Variants in FHIT observed in about 807,000 individuals in gnomAD.
FHIT encodes the protein bis(5'-adenosyl)-triphosphatase.
FHIT carries 19 observed loss-of-function variants against 17.9 expected under a neutral mutation model. That is an observed-to-expected ratio of 1.06 (90% confidence interval 0.74 to 1.56). FHIT has a LOEUF of 1.56. Ranked by LOEUF, FHIT falls within the 40% of genes most tolerant of loss-of-function variation. The pLI is 0.00. For missense variants in FHIT, 248 were observed against 189.2 expected (o/e 1.31, Z -1.82); for synonymous variants, 81 against 69.7 (o/e 1.16, Z -0.81).
At chr3:59,972,414 T>C (rs1021287230) in intron 7 of FHIT, among the ~76,000 whole-genome samples, 3 of 152,106 alleles carry the variant, frequency 2.0e-5, no homozygotes, top group Non-Finnish European at 4.4e-5. Context: ...TTGGCATGTT[T>C]GGCTGGGAAG....
chr3:60,255,998 G>A (rs540555197), intron 5 of FHIT, among the ~76,000 whole-genome samples: 6 of 152,276 alleles, frequency 3.9e-5, no homozygotes, highest in African/African-American at 1.4e-4. Context: ...TTGCAAGCCT[G>A]ATTTTTGAAA....
chr3:60,173,883 T>C (rs565849972), intron 5 of FHIT, among the ~76,000 whole-genome samples: 2 of 30,250 alleles, frequency 6.6e-5, no homozygotes, highest in African/African-American at 3.9e-4. Flanking sequence ...TCCATGTTTC[T>C]AATATATATA....
intron 5 of FHIT, among the ~76,000 whole-genome samples, chr3:60,388,696 A>G (rs897474294): frequency 1.3e-5 from 2 of 152,220 alleles, no homozygotes; most frequent in African/African-American, 2.4e-5. Flanking sequence ...GCATTCATAC[A>G]TTGCTACTTA....
At chr3:61,119,035 T>G (rs1439739217) in intron 2 of FHIT, among the ~76,000 whole-genome samples, 2 of 152,136 alleles carry the variant, frequency 1.3e-5, no homozygotes, top group African/African-American at 4.8e-5. Flanking sequence ...AAGAGTGGTA[T>G]AGCCCCTTAG....
intron 3 of FHIT, among the ~76,000 whole-genome samples, chr3:60,834,959 T>C: frequency 6.6e-6 from 1 of 151,894 alleles, no homozygotes; most frequent in East Asian, 1.9e-4. Context: ...ATCACCAATA[T>C]ATCATTTGTT....
At chr3:61,127,887 A>G (rs2036656555) in intron 2 of FHIT, among the ~76,000 whole-genome samples, 2 of 151,964 alleles carry the variant, frequency 1.3e-5, no homozygotes, top group South Asian at 4.1e-4. Flanking sequence ...AAGAAGAAGA[A>G]GAACTTTGTA....
intron 5 of FHIT, among the ~76,000 whole-genome samples, chr3:60,015,427 A>G (rs1213847965): frequency 6.6e-6 from 1 of 152,214 alleles, no homozygotes; most frequent in Non-Finnish European, 1.5e-5. Context: ...GTTCACCCAC[A>G]GGGCATCTGA....
At chr3:59,986,739 C>A (rs549704131) in intron 7 of FHIT, among the ~76,000 whole-genome samples, 6,761 of 8,024 alleles carry the variant, frequency 0.84, 2,833 homozygotes, top group East Asian at 1. Flanking sequence ...TAAATATATA[C>A]ATATATTTAT....
chr3:60,380,131 G>A (rs1286651748), intron 5 of FHIT, among the ~76,000 whole-genome samples: 1 of 152,170 alleles, frequency 6.6e-6, no homozygotes, highest in Non-Finnish European at 1.5e-5. Context: ...ATATTAAAAT[G>A]TGATCCCCAA....
intron 5 of FHIT, among the ~76,000 whole-genome samples, chr3:60,121,713 C>CAA (rs1559651189): frequency 1.4e-4 from 13 of 90,918 alleles, no homozygotes; most frequent in Admixed American, 6.7e-4. Flanking sequence ...AAAACAAACA[C>CAA]ACACACACAC....
At chr3:60,050,101 T>C (rs777668215) in intron 5 of FHIT, among the ~76,000 whole-genome samples, 9 of 152,204 alleles carry the variant, frequency 5.9e-5, no homozygotes, top group Non-Finnish European at 1.2e-4. Context: ...TATCTTTGCT[T>C]ATTAAAAATT....
At chr3:60,609,611 C>T (rs1401984935) in intron 4 of FHIT, among the ~76,000 whole-genome samples, 6 of 152,118 alleles carry the variant, frequency 3.9e-5, no homozygotes, top group African/African-American at 1.4e-4. Context: ...AGGCATGAGC[C>T]ACCGCGCCCA....
At chr3:60,296,443 TTG>T (rs1399595313) in intron 5 of FHIT, among the ~76,000 whole-genome samples, 1 of 152,162 alleles carries the variant, frequency 6.6e-6, no homozygotes, top group Admixed American at 6.5e-5. Flanking sequence ...GAACATCTTT[TTG>T]TGTGTTTATC....
At chr3:60,067,094 A>G (rs1702548506) in intron 5 of FHIT, among the ~76,000 whole-genome samples, 1 of 152,168 alleles carries the variant, frequency 6.6e-6, no homozygotes, top group Admixed American at 6.5e-5. Flanking sequence ...GCATAAGAAG[A>G]TACCCAGGGA....
At chr3:61,241,528 A>G (rs2040373328) in intron 1 of FHIT, among the ~76,000 whole-genome samples, 1 of 152,196 alleles carries the variant, frequency 6.6e-6, no homozygotes, top group Admixed American at 6.5e-5. Flanking sequence ...ATGACTGTAG[A>G]TTGTATGCTC....
intron 8 of FHIT, among the ~76,000 whole-genome samples, chr3:59,795,965 A>G (rs1699762589): frequency 1.3e-5 from 2 of 152,166 alleles, no homozygotes; most frequent in African/African-American, 4.8e-5. Context: ...CCAGAACTCG[A>G]CTGAGTGCGC....
chr3:61,239,016 T>G (rs1163218435), intron 1 of FHIT, among the ~76,000 whole-genome samples: 1 of 151,330 alleles, frequency 6.6e-6, no homozygotes, highest in Non-Finnish European at 1.5e-5. Context: ...GTCCAGAGAG[T>G]GTATTAACAG....
At chr3:60,878,552 A>G (rs1384628774) in intron 3 of FHIT, among the ~76,000 whole-genome samples, 1 of 151,044 alleles carries the variant, frequency 6.6e-6, no homozygotes, top group African/African-American at 2.5e-5. Flanking sequence ...CAGGTTTATT[A>G]CATATGTATA....
chr3:60,100,155 G>C (rs928830568), intron 5 of FHIT, among the ~76,000 whole-genome samples: 1 of 152,100 alleles, frequency 6.6e-6, no homozygotes, highest in African/African-American at 2.4e-5. Flanking sequence ...AAGTTGTTTG[G>C]ATCACCTGAG....
Sources: gnomAD v4.1 joint callset for allele counts (sites outside exome capture counted in the v4.1 genomes callset) on GRCh38, gnomAD v4.1.1 for gene constraint, MANE v1.5 for transcripts, NCBI Gene and HGNC (gene_info 2026-07-23, HGNC 2026-07-21) for gene names.